CDC42: variants seen among roughly 807,000 people sequenced by gnomAD.
CDC42 encodes the protein cell division control protein 42 homolog.
CDC42 carries 1 observed loss-of-function variant against 20.8 expected under a neutral mutation model. The ratio of observed to expected loss-of-function variants is 0.05; its 90% CI spans 0.02 to 0.23. The LOEUF (loss-of-function observed/expected upper bound fraction) is 0.23, where lower values mean the gene tolerates loss of function less well. Among genes scored for constraint, CDC42 ranks in the 10% least tolerant of loss-of-function variants. CDC42 has a pLI of 1.00. For synonymous variants in CDC42, 72 were observed against 84.8 expected (o/e 0.85, Z 0.83); for missense variants, 49 against 227.9 (o/e 0.21, Z 5.05).
Position 22,095,301 on chromosome 1 carries a change from G to C in CDC42, c.*3784G>C, listed in dbSNP as rs760511005. Among the ~76,000 whole-genome samples the C allele has an allele frequency of 6.6e-6, 1 of 151,782 alleles. No homozygotes were observed. The highest frequency in any genetic ancestry group is 6.6e-5 in the Admixed American group (1 of 15,244). On this transcript the variant is annotated 3_prime_UTR_variant, in exon 6 of 6. Transcript: ENST00000656825. Reference sequence around the variant, plus strand: ...ACTTTTTTTTTTGAGATGGAGTCTCGTTCTGTCGCCCAGGCTGGAGTGCAG... The same window carrying C: ...ACTTTTTTTTTTGAGATGGAGTCTCCTTCTGTCGCCCAGGCTGGAGTGCAG...
chr1:22,059,904 A>G (rs1645344606), intron 1 of CDC42, among the ~76,000 whole-genome samples: 1 of 151,778 alleles, frequency 6.6e-6, no homozygotes, highest in East Asian at 1.9e-4. Flanking sequence ...TCCTTCTTTA[A>G]CTATATGGTG....
intron 1 of CDC42, among the ~76,000 whole-genome samples, chr1:22,055,641 A>AC (rs1645296803): frequency 6.6e-6 from 1 of 151,878 alleles, no homozygotes; most frequent in Admixed American, 6.6e-5. Context: ...GGTGCATGCA[A>AC]CCAGACCCGG....
At chr1:22,064,253 ATCTT>A (rs1233081809) in intron 1 of CDC42, 1 of 151,926 alleles carries the variant, frequency 6.6e-6, no homozygotes, top group Non-Finnish European at 1.5e-5. Context: ...TCTTACTGTA[ATCTT>A]TCTTCCCTTC....
intron 5 of CDC42, chr1:22,090,110 A>C: frequency 6.5e-7 from 1 of 1,534,972 alleles, no homozygotes; most frequent in South Asian, 1.2e-5. Flanking sequence ...CAAAGGAATA[A>C]AACCATCCTG....
rs1374933629 is a variant in CDC42, at chr1:22,095,320, A to C, written c.*3803A>C. Among the ~76,000 whole-genome samples, 1 of 151,822 alleles carries C rather than the reference A, an allele frequency of 6.6e-6. No individual in the cohort carries two copies. Among genetic ancestry groups the C allele is most frequent in the African/African-American group, 2.4e-5 (1 of 41,282 alleles). On this transcript the variant is annotated 3_prime_UTR_variant, in exon 6 of 6. Coordinates refer to ENST00000656825, the MANE Select transcript of CDC42 (RefSeq NM_001791.4). ...AGTCTCGTTCTGTCGCCCAGGCTGG[A>C]GTGCAGTGGTGCAATCTCGGCTCAT...
At chr1:22,078,689 G>GT (rs1645576684) in intron 2 of CDC42, 106 bp downstream of exon 2, 1 of 1,516,576 alleles carries the variant, frequency 6.6e-7, no homozygotes, top group African/African-American at 1.4e-5. Flanking sequence ...GTCTGCCTTT[G>GT]TTTCCTGTTT....
intron 2 of CDC42, among the ~76,000 whole-genome samples, chr1:22,081,204 T>C (rs1645604128): frequency 6.6e-6 from 1 of 152,182 alleles, no homozygotes; most frequent in South Asian, 2.1e-4. Flanking sequence ...CTGCCAGCTT[T>C]TTCTTGGACA....
intron 1 of CDC42, among the ~76,000 whole-genome samples, chr1:22,077,800 T>C (rs971636233): frequency 6.6e-6 from 1 of 152,392 alleles, no homozygotes; most frequent in East Asian, 1.9e-4. Context: ...TAAGTCAGTA[T>C]GCTTTAGAGC....
intron 1 of CDC42, among the ~76,000 whole-genome samples, chr1:22,056,027 C>A (rs531916861): frequency 6.6e-6 from 1 of 152,148 alleles, no homozygotes; most frequent in African/African-American, 2.4e-5. Flanking sequence ...TATGGTAATG[C>A]CTTATTCAGT....
rs1172836309 is a variant in CDC42 at position 22,098,775 on chromosome 1, T to C, written c.*7258T>C. Among the ~76,000 whole-genome samples, 1 of 152,170 alleles carries C rather than the reference T, an allele frequency of 6.6e-6. No individual in the cohort carries two copies. Among genetic ancestry groups the C allele is most frequent in the Non-Finnish European group, 1.5e-5 (1 of 68,018 alleles). On this transcript the variant is annotated 3_prime_UTR_variant, in exon 6 of 6. Coordinates refer to ENST00000656825, the MANE Select transcript of CDC42 (RefSeq NM_001791.4). ...ATTACAGCTTTACTTATTTATTTTT[T>C]GGAGACAGGGTCTCACTCTGTCACC...
rs771636441 is a variant in CDC42, at chr1:22,081,748, T to C, written c.132T>C (p.Val44=). 3 of 1,612,482 alleles carry C rather than the reference T, an allele frequency of 1.9e-6. No homozygotes were observed. In the Admixed American group the frequency reaches 5.0e-5, roughly 27 times the overall value. The change falls in exon 3 of 6, where the codon GTT becomes GTC. Residue 44 remains valine, a synonymous_variant. Transcript: ENST00000656825. ...PTVFDNYAVT[V]MIGGEPYTLG... ...TTTTTGACAACTATGCAGTCACAGT[T>C]ATGATTGGTGGAGAACCATATACTC...
intron 4 of CDC42, 24 bp from the exon 5 acceptor site, chr1:22,086,645 G>A (rs1645664801): frequency 6.2e-7 from 1 of 1,609,364 alleles, no homozygotes; most frequent in Non-Finnish European, 8.5e-7. Flanking sequence ...TAACAAAGGT[G>A]TATTTTAAAA....
chr1:22,090,357 A>G, intron 5 of CDC42: 1 of 1,053,968 alleles, frequency 9.5e-7, no homozygotes, highest in South Asian at 3.5e-5. Flanking sequence ...CAAGAGTTTT[A>G]ACACTTCTAG....
In CDC42 at chr1:22,098,292, C is replaced by G. The variant is rs1297271129; in HGVS notation, c.*6775C>G. On this transcript the variant is annotated 3_prime_UTR_variant, in exon 6 of 6. Coordinates refer to ENST00000656825, the MANE Select transcript of CDC42 (RefSeq NM_001791.4). ...GCATACTTAGTTATCATTGAGGTCTCAAATGCAGTTCGGGTTCCTGGTTGG... is the reference window on the plus strand; with the variant it reads ...GCATACTTAGTTATCATTGAGGTCTGAAATGCAGTTCGGGTTCCTGGTTGG... Among the ~76,000 whole-genome samples, 1 of 151,934 alleles carries G rather than the reference C, an allele frequency of 6.6e-6. No homozygotes were observed. Among genetic ancestry groups the G allele is most frequent in the Non-Finnish European group, 1.5e-5 (1 of 68,006 alleles).
chr1:22,065,966 G>C lies in CDC42; in HGVS notation c.-50-12463G>C, dbSNP rs963297820. ...GCAGAGACGGGATTTCACCATGTTG[G>C]CTAGGCTTGTCTTGAGCTGCTGACC... is the stretch of plus-strand genomic sequence containing the variant. On this transcript the variant is annotated intron_variant, in intron 1 of 5. Coordinates refer to ENST00000656825, the MANE Select transcript of CDC42 (RefSeq NM_001791.4). Among the ~76,000 whole-genome samples the C allele has an allele frequency of 4.6e-5, 7 of 152,162 alleles. No homozygotes were observed. The South Asian group carries it at 8.3e-4, about 18-fold the overall frequency.
Position 22,061,528 on chromosome 1 carries a change from C to CTTTTTTTTTTTTTTT in CDC42, c.-51+8789_-51+8790insTTTTTTTTTTTTTTT, listed in dbSNP as rs1404317396. Among the ~76,000 whole-genome samples, 20 of 86,304 alleles carry CTTTTTTTTTTTTTTT rather than the reference C, an allele frequency of 2.3e-4. 10 individuals carry two copies. The highest frequency in any genetic ancestry group is 2.2e-4 in the Non-Finnish European group (10 of 45,672). 56.6% of individuals were successfully genotyped at this position (86,304 alleles called of 152,430 possible). On this transcript the variant is annotated intron_variant, in intron 1 of 5. Coordinates refer to ENST00000656825, the MANE Select transcript of CDC42 (RefSeq NM_001791.4). ...GGTCAATCAGTTTAACTTCATGTTT[C>CTTTTTTTTTTTTTTT]TTTCTTTTTTTTTTTTTTTTTTTTT...
chr1:22,099,573 A>G lies in CDC42; in HGVS notation c.*8056A>G, dbSNP rs918241915. 6.6e-6 allele frequency among the ~76,000 whole-genome samples: 1 copy of G among 152,236 alleles called. No individual in the cohort carries two copies. Among genetic ancestry groups the G allele is most frequent in the Non-Finnish European group, 1.5e-5 (1 of 68,046 alleles). ...CTGAAAATCGTAGTTGAAGCATCAT[A>G]TAGTGCACAGGGCAAGCAAAGCAGC... On this transcript the variant is annotated 3_prime_UTR_variant, in exon 6 of 6. Coordinates refer to ENST00000656825, the MANE Select transcript of CDC42 (RefSeq NM_001791.4).
chr1:22,075,844 C>A (rs978469232), intron 1 of CDC42, among the ~76,000 whole-genome samples: 16 of 152,292 alleles, frequency 1.1e-4, no homozygotes, highest in African/African-American at 3.4e-4. Flanking sequence ...AGGGGACTCA[C>A]AACCAACCAG....
chr1:22,079,456 A>G (rs1232187876), intron 2 of CDC42, among the ~76,000 whole-genome samples: 1 of 152,078 alleles, frequency 6.6e-6, no homozygotes, highest in East Asian at 1.9e-4. Flanking sequence ...TGTTTTTTAA[A>G]TCAACTCTTT....
Sources: allele counts gnomAD v4.1 joint callset (sites outside exome capture counted in the v4.1 genomes callset), GRCh38; gene constraint gnomAD v4.1.1; transcripts MANE v1.5; gene names NCBI Gene and HGNC (gene_info 2026-07-23, HGNC 2026-07-21).